RBM47: variants seen among roughly 807,000 people sequenced by gnomAD.
RBM47 encodes RNA binding motif protein 47.
RBM47 carries 21 observed loss-of-function variants against 47.1 expected under a neutral mutation model. The ratio of observed to expected loss-of-function variants is 0.45; its 90% CI spans 0.32 to 0.64. RBM47 has a LOEUF of 0.64. Among genes scored for constraint, RBM47 ranks in the 30% least tolerant of loss-of-function variants. The pLI is 0.05. For missense variants in RBM47, 708 were observed against 870.9 expected (o/e 0.81, Z 2.35); for synonymous variants, 375 against 361.7 (o/e 1.04, Z -0.42).
At chr4:40,620,311 G>T (rs1393443271) in intron 1 of RBM47, among the ~76,000 whole-genome samples, 2 of 151,292 alleles carry the variant, frequency 1.3e-5, no homozygotes, top group Non-Finnish European at 1.5e-5. Flanking sequence ...TTCGAGACCA[G>T]CCTGGCCAAC....
Position 40,629,715 on chromosome 4 carries a change from A to G in RBM47, c.-559T>C, listed in dbSNP as rs1297104472. 1.3e-5 allele frequency: 2 copies of G among 152,172 alleles called. No individual in the cohort carries two copies. The highest frequency in any genetic ancestry group is 2.9e-5 in the Non-Finnish European group (2 of 68,032). The allele number at this position is 152,172 out of a possible 1,614,324, so 9.4% of individuals were successfully genotyped here. A position where few individuals can be genotyped will look rare whatever the true frequency, so the allele number is the denominator to read the frequency against. ...CTCTATCCCAAGCTGCACATTCCAC[A>G]GTGGAAAGCGGGAGCGGCGACCCGA... On this transcript the variant is annotated 5_prime_UTR_variant, in exon 1 of 7. Coordinates refer to ENST00000295971, the MANE Select transcript of RBM47 (RefSeq NM_001098634.2).
chr4:40,458,763 T>TC (rs1716663602), intron 3 of RBM47, among the ~76,000 whole-genome samples: 1 of 151,530 alleles, frequency 6.6e-6, no homozygotes, highest in South Asian at 2.1e-4. Context: ...TGTTTTTTTT[T>TC]CCCCCTTTTC....
Position 40,426,159 on chromosome 4 carries a change from A to T in RBM47, c.1543-16T>A. The T allele has an allele frequency of 6.2e-7, 1 of 1,611,484 alleles. No individual in the cohort carries two copies. Among genetic ancestry groups the T allele is most frequent in the Non-Finnish European group, 8.5e-7 (1 of 1,178,438 alleles). On this transcript the variant is annotated splice_polypyrimidine_tract_variant and intron_variant, in intron 6 of 6. Coordinates refer to ENST00000295971, the MANE Select transcript of RBM47 (RefSeq NM_001098634.2). ...TTGGGCGGCCCTGAGGAGAAGAGAC[A>T]AAAAGGAGCCTTCCTGAACACGTGT...
intron 2 of RBM47, among the ~76,000 whole-genome samples, chr4:40,480,401 ACC>A: frequency 6.6e-6 from 1 of 152,304 alleles, no homozygotes; most frequent in Admixed American, 6.5e-5. Flanking sequence ...ATCACACTTT[ACC>A]GCCTCAAGCT....
chr4:40,485,087 A>G (rs1720900599), intron 2 of RBM47, among the ~76,000 whole-genome samples: 1 of 152,170 alleles, frequency 6.6e-6, no homozygotes, highest in African/African-American at 2.4e-5. Context: ...TTGCATGACA[A>G]GCTGATCATG....
intron 2 of RBM47, among the ~76,000 whole-genome samples, chr4:40,476,458 G>C (rs958712815): frequency 2.6e-5 from 4 of 151,770 alleles, no homozygotes; most frequent in Admixed American, 2.6e-4. Context: ...TATCAGTTTG[G>C]AGCTAGAAAT....
chr4:40,512,413 C>CA (rs33930819), intron 2 of RBM47, among the ~76,000 whole-genome samples: 954 of 56,126 alleles, frequency 0.017, 14 homozygotes, highest in Non-Finnish European at 0.02. Context: ...AACTCCATCT[C>CA]AAAAAAAAAA....
intron 2 of RBM47, among the ~76,000 whole-genome samples, chr4:40,519,360 C>T (rs1295444476): frequency 1.4e-5 from 2 of 137,994 alleles, no homozygotes; most frequent in South Asian, 2.2e-4. Context: ...TGCAATGGAA[C>T]GATCTTGGCT....
intron 1 of RBM47, among the ~76,000 whole-genome samples, chr4:40,582,841 C>A (rs1733086967): frequency 6.6e-6 from 1 of 152,198 alleles, no homozygotes; most frequent in Non-Finnish European, 1.5e-5. Flanking sequence ...AGTCACCACC[C>A]TGGTAGAATC....
chr4:40,453,949 G>T (rs1268794998), intron 3 of RBM47, among the ~76,000 whole-genome samples: 1 of 152,108 alleles, frequency 6.6e-6, no homozygotes, highest in African/African-American at 2.4e-5. Context: ...ACACGTATGT[G>T]TAATTTGATT....
intron 1 of RBM47, among the ~76,000 whole-genome samples, chr4:40,617,806 T>C (rs1211931014): frequency 6.6e-6 from 1 of 151,862 alleles, no homozygotes; most frequent in Non-Finnish European, 1.5e-5. Context: ...CCAACCCCCT[T>C]TCCCCATTAC....
chr4:40,550,085 A>G (rs115274203), intron 1 of RBM47, among the ~76,000 whole-genome samples: 1 of 152,176 alleles, frequency 6.6e-6, no homozygotes, highest in African/African-American at 2.4e-5. Context: ...AACCACCACC[A>G]CAGCCACAAA....
intron 1 of RBM47, among the ~76,000 whole-genome samples, chr4:40,600,495 G>A (rs1047844306): frequency 1.3e-5 from 2 of 151,146 alleles, no homozygotes; most frequent in Non-Finnish European, 1.5e-5. Context: ...TTAGCCGGGT[G>A]TGGTGGCGGG....
intron 2 of RBM47, among the ~76,000 whole-genome samples, chr4:40,512,317 G>A (rs1020815179): frequency 2.0e-5 from 3 of 151,082 alleles, no homozygotes; most frequent in Non-Finnish European, 4.4e-5. Context: ...GGGAGGCTGA[G>A]GCAGGAGAAT....
rs1443809380 is a variant in RBM47 at position 40,545,037 on chromosome 4, AGAGT to A, written c.-239-535_-239-532del. On this transcript the variant is annotated intron_variant, in intron 1 of 6. Coordinates refer to ENST00000295971, the MANE Select transcript of RBM47 (RefSeq NM_001098634.2). Reference sequence around the variant, plus strand: ...GATCGTGCACTCCAGCCTGGAAAACAGAGTGAGATCCTTTTTTTTTTTTTTTTTT... The same window carrying A: ...GATCGTGCACTCCAGCCTGGAAAACAGAGATCCTTTTTTTTTTTTTTTTTT... Among the ~76,000 whole-genome samples, 3 of 148,782 alleles carry A rather than the reference AGAGT, an allele frequency of 2.0e-5. No homozygotes were observed. In the East Asian group the frequency reaches 6.0e-4, roughly 30 times the overall value.
At chr4:40,567,892 T>C (rs574857611) in intron 1 of RBM47, among the ~76,000 whole-genome samples, 1 of 152,078 alleles carries the variant, frequency 6.6e-6, no homozygotes, top group East Asian at 1.9e-4. Flanking sequence ...AAATGAGTAT[T>C]TACATGTTAA....
At chr4:40,598,084 T>C (rs949688724) in intron 1 of RBM47, among the ~76,000 whole-genome samples, 4 of 152,194 alleles carry the variant, frequency 2.6e-5, no homozygotes, top group Non-Finnish European at 5.9e-5. Flanking sequence ...TATTATTGCA[T>C]AGCAGAGTAG....
chr4:40,604,289 G>A (rs1235649581), intron 1 of RBM47, among the ~76,000 whole-genome samples: 1 of 152,164 alleles, frequency 6.6e-6, no homozygotes, highest in Non-Finnish European at 1.5e-5. Flanking sequence ...GCAAAGGATG[G>A]ATGGAAAGGA....
intron 1 of RBM47, among the ~76,000 whole-genome samples, chr4:40,583,689 T>C (rs1733226235): frequency 6.6e-6 from 1 of 150,802 alleles, no homozygotes; most frequent in Non-Finnish European, 1.5e-5. Context: ...AAACCCCGTC[T>C]CTACTAAAAA....
Sources: gnomAD v4.1 joint callset for allele counts (sites outside exome capture counted in the v4.1 genomes callset) on GRCh38, gnomAD v4.1.1 for gene constraint, MANE v1.5 for transcripts, NCBI Gene and HGNC (gene_info 2026-07-23, HGNC 2026-07-21) for gene names.